RNPEPL1: variants seen among roughly 807,000 people sequenced by gnomAD.
The protein encoded by RNPEPL1 is arginyl aminopeptidase like 1.
Under a neutral mutation model 69.0 loss-of-function variants are expected in RNPEPL1, and 46 were observed. The observed-to-expected ratio is 0.67, with a 90% confidence interval of 0.53 to 0.85. The LOEUF is 0.85. Among genes scored for constraint, RNPEPL1 ranks in the 40% least tolerant of loss-of-function variants. The pLI is 0.00. For missense variants in RNPEPL1, 869 were observed against 992.5 expected (o/e 0.88, Z 1.67); for synonymous variants, 525 against 454.1 (o/e 1.16, Z -1.98).
rs1559418489 is a variant in RNPEPL1, at chr2:240,577,993, G to A, written c.*101G>A. On this transcript the variant is annotated 3_prime_UTR_variant, in exon 11 of 11. Transcript: ENST00000270357. ...CGTCTCGGCTCTGGCCATGAGCTCT[G>A]CCCAGGCCCACAAGCCCCTCCCCTG... 2.5e-6 allele frequency: 3 copies of A among 1,222,392 alleles called. No homozygotes were observed. Among genetic ancestry groups the A allele is most frequent in the Non-Finnish European group, 3.3e-6 (3 of 918,996 alleles). The allele number at this position is 1,222,392 out of a possible 1,614,324, so 75.7% of individuals were successfully genotyped here.
chr2:240,578,010 C>T lies in RNPEPL1; in HGVS notation c.*118C>T, dbSNP rs2093042805. The T allele has an allele frequency of 1.9e-6, 2 of 1,077,430 alleles. No homozygotes were observed. The highest frequency in any genetic ancestry group is 2.8e-5 in the East Asian group (1 of 35,558). The allele number at this position is 1,077,430 out of a possible 1,614,324, so 66.7% of individuals were successfully genotyped here. The stretch of plus-strand genomic sequence containing the variant: ...TGAGCTCTGCCCAGGCCCACAAGCC[C>T]CTCCCCTGGGCTCTCCCAGGCAGGG... On this transcript the variant is annotated 3_prime_UTR_variant, in exon 11 of 11. Transcript: ENST00000270357.
chr2:240,572,106 G>C (rs961169945), intron 1 of RNPEPL1, among the ~76,000 whole-genome samples: 4 of 152,268 alleles, frequency 2.6e-5, no homozygotes, highest in African/African-American at 9.6e-5. Context: ...GCAATGATGG[G>C]CTATTCCCTT....
At chr2:240,575,223 C>G (rs555091891) in intron 7 of RNPEPL1, 81 bp downstream of exon 7, 6 of 1,151,536 alleles carry the variant, frequency 5.2e-6, no homozygotes, top group South Asian at 1.2e-5. Flanking sequence ...CCTGCTCTTG[C>G]GGCAGTTGGG....
chr2:240,568,787 G>T lies in RNPEPL1; in HGVS notation c.201G>T (p.Ala67=). 1.9e-6 allele frequency: 2 copies of T among 1,075,058 alleles called. No individual in the cohort carries two copies. The highest frequency in any genetic ancestry group is 2.3e-6 in the Non-Finnish European group (2 of 887,064). 66.6% of individuals were successfully genotyped at this position (1,075,058 alleles called of 1,614,324 possible). The change falls in exon 1 of 11, where the codon GCG becomes GCT. Residue 67 remains alanine (A), a synonymous_variant. Transcript: ENST00000270357. The surrounding 1 kb of genome is among the most constrained non-coding windows in gnomAD (Gnocchi z 6.2). Reference sequence around the variant, plus strand: ...GCTGCCTGGTGCTCGAGCTGTGCGCGCTGCGGCCCGCGCCCCGCGCGCTCG... The same window carrying T: ...GCTGCCTGGTGCTCGAGCTGTGCGCTCTGCGGCCCGCGCCCCGCGCGCTCG... ...LAGCLVLELC[A]LRPAPRALVL... is the part of the protein sequence containing the mutation.
Position 240,573,181 on chromosome 2 carries a change from C to T in RNPEPL1, c.741C>T (p.His247=), listed in dbSNP as rs773266575. The T allele has an allele frequency of 6.2e-7, 1 of 1,604,556 alleles. No individual in the cohort carries two copies. ...SAYMEEEGVF[H]FHMEHPVPAY... is the part of the protein sequence containing the mutation. ...ACATGGAGGAAGAAGGCGTCTTCCA[C>T]TTCCACATGGAGCACCCCGTGCCCG... is the stretch of plus-strand genomic sequence containing the variant. The change falls in exon 3 of 11, where the codon CAC becomes CAT. Residue 247 remains histidine (H), a synonymous_variant. Coordinates refer to ENST00000270357, the MANE Select transcript of RNPEPL1 (RefSeq NM_018226.6).
At position 240,577,685 on chromosome 2, in the gene RNPEPL1, G is replaced by A. The variant is rs149210914; in HGVS notation, c.1971G>A (p.Thr657=). 26 of 1,612,552 alleles carry A rather than the reference G, an allele frequency of 1.6e-5. No homozygotes were observed. The highest frequency in any genetic ancestry group is 9.9e-5 in the South Asian group (9 of 91,026). The change falls in exon 11 of 11, where the codon ACG becomes ACA. Residue 657 remains threonine, a synonymous_variant. Coordinates refer to ENST00000270357, the MANE Select transcript of RNPEPL1 (RefSeq NM_018226.6). ...KSFALEVFYQ[T]QGRLHPNLRR... ...TCGCGCTGGAGGTCTTCTACCAGAC[G>A]CAGGGCCGGCTGCACCCCAACCTGC...
Position 240,568,863 on chromosome 2 carries a change from G to A in RNPEPL1, c.277G>A (p.Ala93Thr). ...CCTGCACTCAGCCGCCTTCCGTCGC[G>A]CCCCCGCCGCCGCCGCCGAGACGCC... ...LRLHSAAFRR[A>T]PAAAAETPCA... The change falls in exon 1 of 11, where the codon GCC becomes ACC. Residue 93 changes from alanine to threonine, a missense_variant. Physicochemically the swap from Ala to Thr is moderately conservative, Grantham distance 58. Around this residue, in one of 2 missense-constraint regions of RNPEPL1, gnomAD observed 259 missense variants for 201.5 expected, o/e 1.29. Transcript: ENST00000270357. The surrounding 1 kb of genome is among the most constrained non-coding windows in gnomAD (Gnocchi z 6.2). 3.3e-6 allele frequency: 4 copies of A among 1,200,670 alleles called. No individual in the cohort carries two copies. The highest frequency in any genetic ancestry group is 4.1e-6 in the Non-Finnish European group (4 of 964,238). 74.4% of individuals were successfully genotyped at this position (1,200,670 alleles called of 1,614,324 possible).
Position 240,577,684 on chromosome 2 carries a change from C to T in RNPEPL1, c.1970C>T (p.Thr657Met), listed in dbSNP as rs755606166. ...TTCGCGCTGGAGGTCTTCTACCAGA[C>T]GCAGGGCCGGCTGCACCCCAACCTG... ...KSFALEVFYQ[T>M]QGRLHPNLRR... The change falls in exon 11 of 11, where the codon ACG (threonine) becomes ATG (methionine). Residue 657 changes from threonine (T) to methionine (M), a missense_variant. By Grantham distance (81) the Thr-to-Met change is moderately conservative. Transcript: ENST00000270357. The T allele has an allele frequency of 5.0e-6, 8 of 1,612,758 alleles. No individual in the cohort carries two copies. The highest frequency in any genetic ancestry group is 6.8e-6 in the Non-Finnish European group (8 of 1,179,690).
Position 240,577,973 on chromosome 2 carries a change from C to T in RNPEPL1, c.*81C>T, listed in dbSNP as rs1240096297. 5.9e-6 allele frequency: 8 copies of T among 1,345,208 alleles called. No homozygotes were observed. In the South Asian group the frequency reaches 7.1e-5, roughly 12 times the overall value. The allele number at this position is 1,345,208 out of a possible 1,614,324, so 83.3% of individuals were successfully genotyped here. A position where few individuals can be genotyped will look rare whatever the true frequency, so the allele number is the denominator to read the frequency against. ...GGCCAGGCCTGCCATGACTGCGTCT[C>T]GGCTCTGGCCATGAGCTCTGCCCAG... On this transcript the variant is annotated 3_prime_UTR_variant, in exon 11 of 11. Coordinates refer to ENST00000270357, the MANE Select transcript of RNPEPL1 (RefSeq NM_018226.6).
At chr2:240,574,882 A>G in intron 6 of RNPEPL1, 148 bp from the exon 7 acceptor site, 1 of 720,108 alleles carries the variant, frequency 1.4e-6, no homozygotes, top group Non-Finnish European at 2.5e-6. Flanking sequence ...CTGCCGCTGC[A>G]CGCCCAGGGC....
chr2:240,577,954 G>A lies in RNPEPL1; in HGVS notation c.*62G>A. The A allele has an allele frequency of 7.2e-7, 1 of 1,396,826 alleles. No individual in the cohort carries two copies. Among genetic ancestry groups the A allele is most frequent in the Non-Finnish European group, 9.4e-7 (1 of 1,061,638 alleles). The allele number at this position is 1,396,826 out of a possible 1,614,324, so 86.5% of individuals were successfully genotyped here. ...CACAATTGTGCCTTCTGTGGGCCAG[G>A]CCTGCCATGACTGCGTCTCGGCTCT... On this transcript the variant is annotated 3_prime_UTR_variant, in exon 11 of 11. Coordinates refer to ENST00000270357, the MANE Select transcript of RNPEPL1 (RefSeq NM_018226.6).
In RNPEPL1 at chr2:240,573,111, C is replaced by A; in HGVS notation, c.671C>A (p.Ala224Glu). ...GGTCTCAGTCCGGCCTCCTTACAGGCGCCATCGGGGGTGCAGGTGCTGATG... is the reference window on the plus strand; with the variant it reads ...GGTCTCAGTCCGGCCTCCTTACAGGAGCCATCGGGGGTGCAGGTGCTGATG... ...VKCTYSAVVK[A>E]PSGVQVLMSA... The change falls in exon 3 of 11, where the codon GCG becomes GAG. Residue 224 changes from alanine (A) to glutamate (E), a missense_variant and splice_region_variant. By Grantham distance (107) the Ala-to-Glu change is moderately radical. Coordinates refer to ENST00000270357, the MANE Select transcript of RNPEPL1 (RefSeq NM_018226.6). 1 of 1,602,226 alleles carries A rather than the reference C, an allele frequency of 6.2e-7. No individual in the cohort carries two copies. Among genetic ancestry groups the A allele is most frequent in the South Asian group, 1.1e-5 (1 of 89,214 alleles).
chr2:240,577,274 C>T (rs1390731516), intron 10 of RNPEPL1, among the ~76,000 whole-genome samples: 2 of 152,178 alleles, frequency 1.3e-5, no homozygotes, highest in Non-Finnish European at 2.9e-5. Context: ...GGGCCTTCAG[C>T]GTCCTGGTCT....
At chr2:240,575,269 C>T (rs1018473438) in intron 7 of RNPEPL1, 127 bp downstream of exon 7, 16 of 799,906 alleles carry the variant, frequency 2.0e-5, no homozygotes, top group Middle Eastern at 2.6e-4. Flanking sequence ...CTGGCTGGGA[C>T]CTAGTCTGCC....
rs989228069 is a variant in RNPEPL1, at chr2:240,580,258, C to A, written c.*2366C>A. The A allele has an allele frequency of 1.5e-4, 23 of 152,230 alleles. No individual in the cohort carries two copies. The highest frequency in any genetic ancestry group is 5.3e-4 in the African/African-American group (22 of 41,442). The allele number at this position is 152,230 out of a possible 1,614,324, so 9.4% of individuals were successfully genotyped here. A position where few individuals can be genotyped will look rare whatever the true frequency, so the allele number is the denominator to read the frequency against. On this transcript the variant is annotated 3_prime_UTR_variant, in exon 11 of 11. Coordinates refer to ENST00000270357, the MANE Select transcript of RNPEPL1 (RefSeq NM_018226.6). ...TACTCAGGCCAGTGTTGTTTCCCAA[C>A]CTCTCCACTAGATACGCACACTTAG...
intron 1 of RNPEPL1, among the ~76,000 whole-genome samples, chr2:240,569,907 G>A (rs932650170): frequency 6.6e-6 from 1 of 152,222 alleles, no homozygotes; most frequent in Non-Finnish European, 1.5e-5. Context: ...AGAGGTGGTC[G>A]AGAGGCTTCA....
At chr2:240,577,045 G>GAGTC in intron 10 of RNPEPL1, 55 bp downstream of exon 10, 1 of 1,602,430 alleles carries the variant, frequency 6.2e-7, no homozygotes, top group Non-Finnish European at 8.5e-7. Flanking sequence ...TGCGGACTGG[G>GAGTC]AGTCCCACCC....
intron 10 of RNPEPL1, among the ~76,000 whole-genome samples, chr2:240,577,371 C>T (rs2093040743): frequency 6.6e-6 from 1 of 152,226 alleles, no homozygotes; most frequent in Non-Finnish European, 1.5e-5. Context: ...TGTATGTGCT[C>T]CCTCCAGCCC....
rs1248358048 is a variant in RNPEPL1, at chr2:240,573,278, G to A, written c.821+17G>A. On this transcript the variant is annotated intron_variant, in intron 3 of 10. Coordinates refer to ENST00000270357, the MANE Select transcript of RNPEPL1 (RefSeq NM_018226.6). The stretch of plus-strand genomic sequence containing the variant: ...CGGGCCCAGGTAGGGCCTCCTGCTG[G>A]GGCCTTCTGGGGCTGCGCAGGCCTC... 4.5e-6 allele frequency: 7 copies of A among 1,549,650 alleles called. No individual in the cohort carries two copies. The East Asian group carries it at 7.3e-5, about 16-fold the overall frequency.
Sources: allele counts gnomAD v4.1 joint callset (sites outside exome capture counted in the v4.1 genomes callset), GRCh38; gene constraint gnomAD v4.1.1; regional missense constraint gnomAD v4.1.1; non-coding constraint Gnocchi (gnomAD v3.1); transcripts MANE v1.5; gene names NCBI Gene and HGNC (gene_info 2026-07-23, HGNC 2026-07-21).